NAP1L4: variants seen among roughly 807,000 people sequenced by gnomAD.
NAP1L4 encodes the protein nucleosome assembly protein 1 like 4.
A neutral mutation model predicts 58.2 loss-of-function variants in NAP1L4; 15 were observed. The ratio of observed to expected loss-of-function variants is 0.26; its 90% confidence interval spans 0.17 to 0.40. The LOEUF is 0.40. Among genes scored for constraint, NAP1L4 ranks in the 10% least tolerant of loss-of-function variants. The pLI, the probability that NAP1L4 is intolerant of heterozygous loss-of-function variation, is 1.00. For missense variants in NAP1L4, 384 were observed against 451.1 expected, an observed-to-expected ratio of 0.85 and a Z score of 1.35; for synonymous variants, 171 against 155.6, an observed-to-expected ratio of 1.10 and a Z score of -0.74.
At chr11:2,972,310 T>G in intron 4 of NAP1L4, 67 bp from the exon 5 acceptor site, 1 of 1,414,322 alleles carries the variant, frequency 7.1e-7, no homozygotes, top group Non-Finnish European at 9.4e-7. Context: ...CTTTTCAATT[T>G]TATTAAAATA....
intron 3 of NAP1L4, among the ~76,000 whole-genome samples, chr11:2,977,000 T>C (rs1456981582): frequency 6.6e-6 from 1 of 152,172 alleles, no homozygotes; most frequent in Admixed American, 6.5e-5. Flanking sequence ...TATTCTCCCA[T>C]GATGTGGGTA....
At chr11:2,990,946 T>C (rs1848926832) in intron 1 of NAP1L4, 1 of 363,076 alleles carries the variant, frequency 2.8e-6, no homozygotes, top group African/African-American at 2.1e-5. Context: ...TATTTGTATA[T>C]TTCTAAGGTA....
Position 2,969,925 on chromosome 11 carries a change from T to C in NAP1L4, c.412A>G (p.Lys138Glu). The C allele has an allele frequency of 1.2e-6, 2 of 1,612,052 alleles. No individual in the cohort carries two copies. The highest frequency in any genetic ancestry group is 1.7e-6 in the Non-Finnish European group (2 of 1,179,020). ...EEEEKLAGDMKSKVVVTEKAA... is the reference protein window; with the variant it reads ...EEEEKLAGDMESKVVVTEKAA... The stretch of plus-strand genomic sequence containing the variant: ...TTTTCTGTGACGACTACTTTACTTT[T>C]CATGTCTCCCTAAAAAAAAGATGCA... Residue 138 changes from lysine (K) to glutamate (E), a missense_variant, in exon 7 of 16, where the codon AAA becomes GAA. Coordinates refer to ENST00000380542, the MANE Select transcript of NAP1L4 (RefSeq NM_005969.4).
chr11:2,976,564 C>A (rs1026934135), intron 3 of NAP1L4, among the ~76,000 whole-genome samples: 3 of 152,248 alleles, frequency 2.0e-5, no homozygotes, highest in African/African-American at 7.2e-5. Context: ...ATAGACTTCA[C>A]AGTCCAGGAG....
intron 10 of NAP1L4, among the ~76,000 whole-genome samples, chr11:2,958,025 G>A (rs570246985): frequency 3.9e-5 from 6 of 152,332 alleles, no homozygotes; most frequent in East Asian, 1.9e-4. Context: ...ACACAACAGC[G>A]GGGCAGAAAT....
At chr11:2,966,437 TC>T (rs1847283282) in intron 7 of NAP1L4, among the ~76,000 whole-genome samples, 2 of 71,252 alleles carry the variant, frequency 2.8e-5, no homozygotes, top group Non-Finnish European at 5.6e-5. Flanking sequence ...CTATTTATCC[TC>T]CCCTCTCTCT....
chr11:2,984,751 T>C (rs1278515652), intron 1 of NAP1L4, among the ~76,000 whole-genome samples: 1 of 152,070 alleles, frequency 6.6e-6, no homozygotes, highest in Non-Finnish European at 1.5e-5. Context: ...TAGAAGACAG[T>C]GGCTACCTGA....
intron 1 of NAP1L4, among the ~76,000 whole-genome samples, chr11:2,983,330 CTCAATTT>C (rs1204899278): frequency 6.6e-6 from 1 of 152,172 alleles, no homozygotes; most frequent in Non-Finnish European, 1.5e-5. Context: ...AAATGATTCA[CTCAATTT>C]TCATTTAAGT....
intron 8 of NAP1L4, chr11:2,963,706 T>G (rs1412523267): frequency 2.5e-5 from 13 of 514,946 alleles, no homozygotes; most frequent in African/African-American, 2.3e-4. Flanking sequence ...TACTGGTGAC[T>G]GGCCCCAGGC....
intron 7 of NAP1L4, 86 bp downstream of exon 7, chr11:2,969,717 C>A (rs1847519412): frequency 2.1e-6 from 3 of 1,441,340 alleles, no homozygotes; most frequent in African/African-American, 1.4e-5. Flanking sequence ...TCTTTCAATG[C>A]CCAGTGTAGT....
intron 10 of NAP1L4, among the ~76,000 whole-genome samples, chr11:2,956,880 C>T (rs1262378053): frequency 6.6e-6 from 1 of 152,222 alleles, no homozygotes; most frequent in Non-Finnish European, 1.5e-5. Flanking sequence ...TACCCCATTA[C>T]CTATTCCGCA....
chr11:2,985,565 G>C (rs931406500), intron 1 of NAP1L4, among the ~76,000 whole-genome samples: 1 of 152,200 alleles, frequency 6.6e-6, no homozygotes, highest in East Asian at 1.9e-4. Context: ...ATTGCTGAGA[G>C]TAGATGTTAA....
At chr11:2,963,036 G>A (rs1381004252) in intron 8 of NAP1L4, among the ~76,000 whole-genome samples, 3 of 147,666 alleles carry the variant, frequency 2.0e-5, no homozygotes, top group African/African-American at 7.6e-5. Flanking sequence ...GGAGGCAGAG[G>A]TTGCAGTGAG....
intron 4 of NAP1L4, among the ~76,000 whole-genome samples, chr11:2,973,743 T>C (rs549739280): frequency 6.6e-6 from 1 of 152,294 alleles, no homozygotes; most frequent in South Asian, 2.1e-4. Context: ...CCCACTGCCA[T>C]TTTTACCCCT....
At chr11:2,981,418 CAAAAAAAAAAAAAA>C (rs35499396) in intron 1 of NAP1L4, among the ~76,000 whole-genome samples, 1 of 41,276 alleles carries the variant, frequency 2.4e-5, no homozygotes, top group African/African-American at 6.4e-5. Flanking sequence ...TACCCTGTCT[CAAAAAAAAAAAAAA>C]AAAAAAAAAA....
chr11:2,974,532 A>T (rs1266548779), intron 4 of NAP1L4, among the ~76,000 whole-genome samples: 1 of 152,324 alleles, frequency 6.6e-6, no homozygotes, highest in African/African-American at 2.4e-5. Flanking sequence ...TGCAAAAAAA[A>T]TAACATCAAA....
chr11:2,958,363 A>G, intron 10 of NAP1L4, 36 bp downstream of exon 10: 1 of 1,608,608 alleles, frequency 6.2e-7, no homozygotes, highest in Non-Finnish European at 8.5e-7. Flanking sequence ...TATTTTATAT[A>G]AGAACATAAT....
intron 7 of NAP1L4, among the ~76,000 whole-genome samples, chr11:2,968,471 C>T (rs1036564870): frequency 6.6e-6 from 1 of 152,098 alleles, no homozygotes; most frequent in Non-Finnish European, 1.5e-5. Flanking sequence ...TCAGGAAAAA[C>T]CAAGGCTGTT....
intron 4 of NAP1L4, among the ~76,000 whole-genome samples, chr11:2,973,008 T>C (rs1413858267): frequency 6.6e-6 from 1 of 152,164 alleles, no homozygotes; most frequent in Non-Finnish European, 1.5e-5. Flanking sequence ...TAATCAAGTA[T>C]TTATGCTGGA....
Sources: gnomAD v4.1 joint callset for allele counts (sites outside exome capture counted in the v4.1 genomes callset) on GRCh38, gnomAD v4.1.1 for gene constraint, MANE v1.5 for transcripts, NCBI Gene and HGNC (gene_info 2026-07-23, HGNC 2026-07-21) for gene names.